Variants in LARGE1 observed in about 807,000 individuals in gnomAD.
LARGE1 encodes LARGE xylosyl- and glucuronyltransferase 1.
LARGE1 carries 43 observed loss-of-function variants against 87.6 expected under a neutral mutation model. That is an observed-to-expected ratio of 0.49 (90% confidence interval 0.38 to 0.63). LARGE1 has a LOEUF of 0.63. LARGE1 is among the 30% of genes least tolerant of loss of function. LARGE1 has a pLI of 0.00. For synonymous variants in LARGE1, 434 were observed against 394.6 expected (o/e 1.10, Z -1.18); for missense variants, 802 against 1,000.2 (o/e 0.80, Z 2.67).
intron 6 of LARGE1, among the ~76,000 whole-genome samples, chr22:33,529,229 G>A (rs939549347): frequency 6.6e-6 from 1 of 152,002 alleles, no homozygotes. Context: ...CTGGCTCATC[G>A]CCTTTGAGGA....
At chr22:33,418,759 A>G (rs917375976) in intron 7 of LARGE1, among the ~76,000 whole-genome samples, 1 of 152,136 alleles carries the variant, frequency 6.6e-6, no homozygotes, top group Non-Finnish European at 1.5e-5. Flanking sequence ...GATACGGACA[A>G]CTGGACAAAG....
chr22:33,114,118 C>T, the LARGE1 span, among the ~76,000 whole-genome samples: 3 of 151,128 alleles, frequency 2.0e-5, no homozygotes, highest in Admixed American at 6.6e-5. Flanking sequence ...CCTCGTGATC[C>T]GCCTGCCTCA....
the LARGE1 span, among the ~76,000 whole-genome samples, chr22:33,142,328 C>T: frequency 6.6e-6 from 1 of 152,090 alleles, no homozygotes; most frequent in Non-Finnish European, 1.5e-5. Context: ...TATCAAAACC[C>T]TTGTTGGCTC....
intron 2 of LARGE1, among the ~76,000 whole-genome samples, chr22:33,662,235 A>G (rs987500604): frequency 6.6e-5 from 10 of 152,148 alleles, no homozygotes; most frequent in African/African-American, 1.9e-4. Context: ...CAGTTTGCCT[A>G]TCTGACCACT....
chr22:33,527,613 C>A (rs1346762643), intron 6 of LARGE1, among the ~76,000 whole-genome samples: 4 of 152,092 alleles, frequency 2.6e-5, no homozygotes, highest in African/African-American at 9.7e-5. Context: ...ACACCCACCC[C>A]ACCCAGAGTC....
chr22:33,795,869 G>A (rs2085963720), intron 1 of LARGE1, among the ~76,000 whole-genome samples: 1 of 151,934 alleles, frequency 6.6e-6, no homozygotes, highest in Non-Finnish European at 1.5e-5. Context: ...GGAGGTGGGA[G>A]AGATAGCATT....
chr22:33,470,569 G>A (rs2068788074), intron 6 of LARGE1, among the ~76,000 whole-genome samples: 1 of 152,174 alleles, frequency 6.6e-6, no homozygotes, highest in East Asian at 1.9e-4. Flanking sequence ...TGACAAGCCT[G>A]GTCTCTTAAC....
intron 7 of LARGE1, among the ~76,000 whole-genome samples, chr22:33,407,823 T>G (rs1224720711): frequency 6.6e-6 from 1 of 152,156 alleles, no homozygotes; most frequent in African/African-American, 2.4e-5. Flanking sequence ...AACTACTTAA[T>G]TTCTGTCTTT....
intron 11 of LARGE1, among the ~76,000 whole-genome samples, chr22:33,223,669 C>T (rs1251392650): frequency 2.0e-5 from 3 of 152,204 alleles, no homozygotes; most frequent in East Asian, 3.9e-4. Context: ...TGCAATTCAG[C>T]CCCTCAGAGG....
intron 1 of LARGE1, among the ~76,000 whole-genome samples, chr22:33,794,676 A>C (rs1281207516): frequency 1.4e-5 from 2 of 144,866 alleles, no homozygotes; most frequent in Non-Finnish European, 3.0e-5. Context: ...GCTGGAGCAC[A>C]GTGGCACGAT....
chr22:33,274,423 G>T lies in LARGE1; in HGVS notation c.*4C>A, dbSNP rs1291434790. 4.3e-6 allele frequency: 7 copies of T among 1,614,098 alleles called. No homozygotes were observed. In the Middle Eastern group the frequency reaches 4.9e-4, roughly 114 times the overall value. On this transcript the variant is annotated 3_prime_UTR_variant, in exon 15 of 15. Coordinates refer to ENST00000397394, the MANE Select transcript of LARGE1 (RefSeq NM_133642.5). ...GTCTCCCCCTAGTGGTGGGCTTCTT[G>T]GTGCTAGCTGTTGTTCTCGGCTGTG...
chr22:33,650,734 C>T, intron 2 of LARGE1, 66 bp from the exon 3 acceptor site: 1 of 1,558,842 alleles, frequency 6.4e-7, no homozygotes, highest in Non-Finnish European at 8.7e-7. Flanking sequence ...CTCCAAGTTC[C>T]CCAGACATCC....
At chr22:33,485,941 C>T (rs957914807) in intron 6 of LARGE1, among the ~76,000 whole-genome samples, 26 of 152,190 alleles carry the variant, frequency 1.7e-4, no homozygotes, top group African/African-American at 6.3e-4. Context: ...TGCTGCTACA[C>T]CTCTGAGGCC....
chr22:33,099,478 C>T, the LARGE1 span, among the ~76,000 whole-genome samples: 2 of 152,094 alleles, frequency 1.3e-5, no homozygotes, highest in East Asian at 3.9e-4. Flanking sequence ...TCTCAAACTC[C>T]TGACCTCAGG....
intron 7 of LARGE1, among the ~76,000 whole-genome samples, chr22:33,401,798 C>G (rs1291327290): frequency 6.6e-6 from 1 of 152,186 alleles, no homozygotes; most frequent in Non-Finnish European, 1.5e-5. Flanking sequence ...GCTTCTAGAA[C>G]TGTGAGAAAA....
chr22:33,206,282 G>A (rs1389060760), intron 11 of LARGE1, among the ~76,000 whole-genome samples: 1 of 151,554 alleles, frequency 6.6e-6, no homozygotes, highest in East Asian at 1.9e-4. Flanking sequence ...AATAGAGACG[G>A]GGTTTCACCA....
intron 4 of LARGE1, 66 bp from the exon 5 acceptor site, chr22:33,604,624 AAC>A (rs2079203785): frequency 1.9e-6 from 3 of 1,600,828 alleles, no homozygotes; most frequent in Non-Finnish European, 2.6e-6. Flanking sequence ...CAGCTGCAAA[AAC>A]ACACTCTTCA....
At position 33,424,095 on chromosome 22, in the gene LARGE1, T is replaced by C. The variant is rs138102571; in HGVS notation, c.892+8066A>G. On this transcript the variant is annotated intron_variant, in intron 7 of 14. Coordinates refer to ENST00000397394, the MANE Select transcript of LARGE1 (RefSeq NM_133642.5). ...ACTGGTTCTCAAACTTAAGTAACCA[T>C]CGGAATCAAGTAGGGAGCATGTTTA... is the stretch of plus-strand genomic sequence containing the variant. Among the ~76,000 whole-genome samples the C allele has an allele frequency of 3.1e-3, 479 of 152,294 alleles. 2 individuals are homozygous for C. The highest frequency in any genetic ancestry group is 0.011 in the African/African-American group (450 of 41,564).
chr22:33,647,151 T>G (rs2080644196), intron 3 of LARGE1, among the ~76,000 whole-genome samples: 1 of 152,204 alleles, frequency 6.6e-6, no homozygotes, highest in South Asian at 2.1e-4. Flanking sequence ...CTGGGGTAGG[T>G]CTCATGGATA....
Sources: gnomAD v4.1 joint callset for allele counts (sites outside exome capture counted in the v4.1 genomes callset) on GRCh38, gnomAD v4.1.1 for gene constraint, MANE v1.5 for transcripts, NCBI Gene and HGNC (gene_info 2026-07-23, HGNC 2026-07-21) for gene names.